The following SIPA1L3 variants were observed in gnomAD, a reference collection of about 807,000 sequenced individuals.
SIPA1L3 encodes signal induced proliferation associated 1 like 3, also known as signal-induced proliferation-associated 1-like protein 3.
Under a neutral mutation model 150.1 loss-of-function variants are expected in SIPA1L3, and 59 were observed. The ratio of observed to expected loss-of-function variants is 0.39; its 90% CI spans 0.32 to 0.49. The LOEUF is 0.49. Among genes scored for constraint, SIPA1L3 ranks in the 20% least tolerant of loss-of-function variants. The pLI is 0.86. For synonymous variants in SIPA1L3, 1,070 were observed against 1,077.6 expected, an observed-to-expected ratio of 0.99 and a Z score of 0.14; for missense variants, 2,211 against 2,489.5, an observed-to-expected ratio of 0.89 and a Z score of 2.38.
At chr19:38,022,711 A>G (rs752611250) in intron 1 of SIPA1L3, among the ~76,000 whole-genome samples, 4 of 152,208 alleles carry the variant, frequency 2.6e-5, no homozygotes, top group Non-Finnish European at 5.9e-5. Flanking sequence ...CCATCTCAAG[A>G]AAAAAATAAA....
At chr19:38,194,326 C>T (rs780277859) in intron 18 of SIPA1L3, among the ~76,000 whole-genome samples, 7 of 152,218 alleles carry the variant, frequency 4.6e-5, no homozygotes, top group South Asian at 2.1e-4. Flanking sequence ...TGGAGTTGGC[C>T]GTGCCCCAGA....
chr19:37,965,317 G>GTTTTTTTTTTTTTTTTTTTTTTTTTTT (rs566071263), intron 1 of SIPA1L3, among the ~76,000 whole-genome samples: 1 of 133,698 alleles, frequency 7.5e-6, no homozygotes, highest in African/African-American at 2.8e-5. Flanking sequence ...TATATTTCTA[G>GTTTTTTTTTTTTTTTTTTTTTTTTTTT]TTTTTTTTTT....
At position 37,968,419 on chromosome 19, in the gene SIPA1L3, T is replaced by C. The variant is rs2046925089; in HGVS notation, c.-378-60670T>C. On this transcript the variant is annotated intron_variant, in intron 1 of 21. Transcript: ENST00000222345. ...ATTGCAGTCCTAATTAGCTCACTGC[T>C]TCTATTCTTGCCTCCTCTATTCCAT... 3.3e-5 allele frequency among the ~76,000 whole-genome samples: 5 copies of C among 152,206 alleles called. No homozygotes were observed. The South Asian group carries it at 1.0e-3, about 32-fold the overall frequency.
chr19:38,124,470 T>C (rs965778411), intron 9 of SIPA1L3, among the ~76,000 whole-genome samples: 17 of 147,884 alleles, frequency 1.1e-4, no homozygotes, highest in African/African-American at 4.0e-4. Flanking sequence ...CGCTCCTCAC[T>C]TCCTAGATGG....
At chr19:38,116,550 GA>G (rs1970888368) in intron 8 of SIPA1L3, among the ~76,000 whole-genome samples, 1 of 141,106 alleles carries the variant, frequency 7.1e-6, no homozygotes, top group Non-Finnish European at 1.5e-5. Context: ...AAGAAAGAAA[GA>G]AAAGAAAAAG....
intron 1 of SIPA1L3, among the ~76,000 whole-genome samples, chr19:37,962,331 A>T (rs1044070991): frequency 2.6e-5 from 4 of 151,596 alleles, no homozygotes; most frequent in Non-Finnish European, 4.4e-5. Flanking sequence ...TTTACTAGAG[A>T]TGGGGTTTCC....
At chr19:38,072,711 A>T (rs2145803333) in intron 2 of SIPA1L3, among the ~76,000 whole-genome samples, 1 of 152,376 alleles carries the variant, frequency 6.6e-6, no homozygotes, top group Admixed American at 6.5e-5. Context: ...TTGGGTGGCC[A>T]TTGGAGAGGG....
chr19:38,188,996 T>C (rs1972750125), intron 16 of SIPA1L3, among the ~76,000 whole-genome samples: 1 of 152,066 alleles, frequency 6.6e-6, no homozygotes, highest in Admixed American at 6.5e-5. Context: ...AAGCAGCCAT[T>C]GTTTCATTTC....
intron 1 of SIPA1L3, among the ~76,000 whole-genome samples, chr19:37,960,768 G>A (rs1024163045): frequency 2.0e-5 from 3 of 151,586 alleles, no homozygotes; most frequent in South Asian, 4.2e-4. Flanking sequence ...TGCTCAGGCC[G>A]GTCTTGAACT....
intron 1 of SIPA1L3, among the ~76,000 whole-genome samples, chr19:37,960,331 G>A (rs1789671363): frequency 1.3e-5 from 2 of 151,880 alleles, no homozygotes; most frequent in African/African-American, 4.8e-5. Flanking sequence ...TCAACCTACT[G>A]TGTTCAAGCG....
chr19:37,981,757 G>A (rs1967209088), intron 1 of SIPA1L3, among the ~76,000 whole-genome samples: 2 of 152,122 alleles, frequency 1.3e-5, no homozygotes, highest in African/African-American at 4.8e-5. Flanking sequence ...CTGTCAAAGG[G>A]TTAGGGTAGA....
intron 15 of SIPA1L3, among the ~76,000 whole-genome samples, chr19:38,170,974 C>T (rs1972315336): frequency 6.6e-6 from 1 of 151,822 alleles, no homozygotes; most frequent in Admixed American, 6.6e-5. Context: ...TATATAGACA[C>T]ACACACTTTC....
chr19:38,115,634 G>A (rs898637621), intron 8 of SIPA1L3, among the ~76,000 whole-genome samples: 5 of 152,012 alleles, frequency 3.3e-5, no homozygotes, highest in African/African-American at 4.8e-5. Flanking sequence ...TTCCCTAGTC[G>A]GCTGCTACCT....
chr19:37,957,101 A>G (rs1236845906), intron 1 of SIPA1L3, among the ~76,000 whole-genome samples: 4 of 152,240 alleles, frequency 2.6e-5, no homozygotes, highest in African/African-American at 9.6e-5. Flanking sequence ...TCATTTGATT[A>G]TTAATATAAG....
At chr19:38,035,981 A>G (rs1199026152) in intron 2 of SIPA1L3, among the ~76,000 whole-genome samples, 1 of 152,216 alleles carries the variant, frequency 6.6e-6, no homozygotes, top group African/African-American at 2.4e-5. Flanking sequence ...TTCTGGGAGC[A>G]GAGTTCATAC....
chr19:37,991,015 T>C (rs951148371), intron 1 of SIPA1L3, among the ~76,000 whole-genome samples: 1 of 152,140 alleles, frequency 6.6e-6, no homozygotes, highest in Non-Finnish European at 1.5e-5. Context: ...GGCAGATTGC[T>C]TGAGGCCAGG....
intron 1 of SIPA1L3, among the ~76,000 whole-genome samples, chr19:37,953,999 T>G (rs962753175): frequency 5.9e-5 from 9 of 152,246 alleles, no homozygotes; most frequent in Non-Finnish European, 5.9e-5. Context: ...ATGGTAACTT[T>G]AAATTTGTCT....
chr19:38,201,644 A>G (rs1973089507), intron 19 of SIPA1L3, among the ~76,000 whole-genome samples: 1 of 152,210 alleles, frequency 6.6e-6, no homozygotes, highest in Non-Finnish European at 1.5e-5. Context: ...GTTGGATCGA[A>G]AGCCTCGATC....
chr19:38,087,416 A>C (rs1406536327), intron 3 of SIPA1L3, among the ~76,000 whole-genome samples: 1 of 152,204 alleles, frequency 6.6e-6, no homozygotes, highest in African/African-American at 2.4e-5. Context: ...TTTTGCCCTT[A>C]GACTAGCCTT....
Sources: allele counts gnomAD v4.1 joint callset (sites outside exome capture counted in the v4.1 genomes callset), GRCh38; gene constraint gnomAD v4.1.1; transcripts MANE v1.5; gene names NCBI Gene and HGNC (gene_info 2026-07-23, HGNC 2026-07-21).